PPP1R1C: variants seen among roughly 807,000 people sequenced by gnomAD.
The protein encoded by PPP1R1C is protein phosphatase 1 regulatory subunit 1C.
A neutral mutation model predicts 17.4 loss-of-function variants in PPP1R1C; 15 were observed. The ratio of observed to expected loss-of-function variants is 0.86; its 90% CI spans 0.58 to 1.33. PPP1R1C has a LOEUF of 1.33. Ranked by LOEUF, PPP1R1C falls within the 40% of genes most tolerant of loss-of-function variation. The probability of loss-of-function intolerance (pLI) is 0.00; values close to 1 mark genes in which losing one functional copy is unlikely to be tolerated. For missense variants in PPP1R1C, 143 were observed against 130.0 expected (o/e 1.10, Z -0.48); for synonymous variants, 35 against 43.1 (o/e 0.81, Z 0.73).
Position 182,117,481 on chromosome 2 carries a change from C to A in PPP1R1C, c.*186C>A. 1 of 490,040 alleles carries A rather than the reference C, an allele frequency of 2.0e-6. No individual in the cohort carries two copies. 30.4% of individuals were successfully genotyped at this position (490,040 alleles called of 1,614,324 possible). ...ACTTTAGAACTAAGTACACATTGTT[C>A]CACATCACTTATAATTAAAGAATAA... On this transcript the variant is annotated 3_prime_UTR_variant, in exon 5 of 5. Coordinates refer to ENST00000682840, the MANE Select transcript of PPP1R1C (RefSeq NM_001080545.3).
At chr2:182,092,637 G>T (rs1173303675) in intron 4 of PPP1R1C, among the ~76,000 whole-genome samples, 1 of 152,100 alleles carries the variant, frequency 6.6e-6, no homozygotes, top group African/African-American at 2.4e-5. Context: ...GGCGGTACAG[G>T]CATTGGTAAA....
At chr2:182,076,585 G>T (rs1354676648) in intron 4 of PPP1R1C, among the ~76,000 whole-genome samples, 1 of 151,862 alleles carries the variant, frequency 6.6e-6, no homozygotes, top group Non-Finnish European at 1.5e-5. Flanking sequence ...AGTCCTGATG[G>T]TTAATGAAGT....
chr2:182,122,106 A>T (rs1412815858), downstream of PPP1R1C, among the ~76,000 whole-genome samples: 1 of 152,180 alleles, frequency 6.6e-6, no homozygotes, highest in African/African-American at 2.4e-5. Context: ...ATACGTGAGG[A>T]ACAGGCAGAC....
chr2:182,094,119 A>G (rs111838617), intron 4 of PPP1R1C, among the ~76,000 whole-genome samples: 6,968 of 152,274 alleles, frequency 0.046, 533 homozygotes, highest in African/African-American at 0.16. Flanking sequence ...ACAGTTCCAC[A>G]TGGCTGGAGA....
intron 2 of PPP1R1C, among the ~76,000 whole-genome samples, chr2:182,056,748 A>G (rs1005994182): frequency 1.3e-5 from 2 of 152,140 alleles, no homozygotes; most frequent in African/African-American, 4.8e-5. Context: ...CTGTAAAATT[A>G]TATGTTTGAT....
intron 1 of PPP1R1C, among the ~76,000 whole-genome samples, chr2:181,963,422 C>A (rs1163180778): frequency 1.3e-5 from 2 of 152,166 alleles, no homozygotes; most frequent in Admixed American, 6.5e-5. Flanking sequence ...GGGTGGACCA[C>A]GAGGTCAGGA....
intron 2 of PPP1R1C, among the ~76,000 whole-genome samples, chr2:182,016,590 A>C (rs1271413901): frequency 6.6e-6 from 1 of 152,224 alleles, no homozygotes; most frequent in African/African-American, 2.4e-5. Context: ...GGTCTAATAA[A>C]AGTTTTCTTT....
chr2:182,071,316 A>G (rs746231772), intron 4 of PPP1R1C, among the ~76,000 whole-genome samples: 7 of 152,040 alleles, frequency 4.6e-5, no homozygotes, highest in Non-Finnish European at 1.0e-4. Flanking sequence ...CTGGTTAGGT[A>G]TTTTCTAGAA....
intron 2 of PPP1R1C, among the ~76,000 whole-genome samples, chr2:182,059,102 C>A (rs148886701): frequency 8.5e-5 from 13 of 152,068 alleles, no homozygotes; most frequent in Non-Finnish European, 1.9e-4. Flanking sequence ...AATCAATACT[C>A]AAAACAGAAA....
intron 2 of PPP1R1C, among the ~76,000 whole-genome samples, chr2:181,979,059 C>A (rs1322851155): frequency 2.0e-5 from 3 of 152,060 alleles, no homozygotes; most frequent in Non-Finnish European, 2.9e-5. Context: ...TATATCAATT[C>A]TATGAAATAG....
chr2:182,089,935 T>C (rs183750590), intron 4 of PPP1R1C, among the ~76,000 whole-genome samples: 1 of 152,202 alleles, frequency 6.6e-6, no homozygotes, highest in East Asian at 1.9e-4. Flanking sequence ...TTTTAATATA[T>C]TTAAATACAA....
chr2:182,037,544 G>A (rs1281082576), intron 2 of PPP1R1C, among the ~76,000 whole-genome samples: 4 of 150,338 alleles, frequency 2.7e-5, no homozygotes, highest in Admixed American at 6.6e-5. Context: ...CCGAGATCAC[G>A]CCACTGCACT....
At chr2:182,044,300 T>C (rs1687278300) in intron 2 of PPP1R1C, among the ~76,000 whole-genome samples, 1 of 152,204 alleles carries the variant, frequency 6.6e-6, no homozygotes, top group Non-Finnish European at 1.5e-5. Context: ...ACAAACTTCA[T>C]ACAGTTTCAA....
intron 4 of PPP1R1C, among the ~76,000 whole-genome samples, chr2:182,092,702 T>A (rs1208351229): frequency 1.3e-5 from 2 of 152,124 alleles, no homozygotes; most frequent in African/African-American, 4.8e-5. Context: ...ACAGGCCCAA[T>A]GCAAGTCCAA....
intron 2 of PPP1R1C, among the ~76,000 whole-genome samples, chr2:181,979,614 C>T (rs189105151): frequency 1.2e-3 from 177 of 152,298 alleles, no homozygotes; most frequent in African/African-American, 3.8e-3. Context: ...AAGCTAGGCT[C>T]AGTTGGGGGT....
chr2:182,122,612 A>G (rs1211162411), downstream of PPP1R1C, among the ~76,000 whole-genome samples: 4 of 152,200 alleles, frequency 2.6e-5, no homozygotes, highest in African/African-American at 9.6e-5. Context: ...TTGGCTCTGT[A>G]GGGACAATGC....
intron 4 of PPP1R1C, among the ~76,000 whole-genome samples, chr2:182,111,903 A>G (rs963993110): frequency 5.9e-5 from 9 of 152,076 alleles, no homozygotes; most frequent in Non-Finnish European, 1.0e-4. Context: ...AATGCCTGTT[A>G]AATCTATTTG....
chr2:182,018,605 G>C (rs546174165), intron 2 of PPP1R1C, among the ~76,000 whole-genome samples: 11 of 152,100 alleles, frequency 7.2e-5, no homozygotes, highest in Admixed American at 1.3e-4. Context: ...GGTTCAGGAT[G>C]AATAATTCTG....
chr2:182,083,782 T>C (rs1192313063), intron 4 of PPP1R1C, among the ~76,000 whole-genome samples: 1 of 152,142 alleles, frequency 6.6e-6, no homozygotes, highest in Non-Finnish European at 1.5e-5. Context: ...TAGATAACCA[T>C]CAGTGAGATT....
Sources: gnomAD v4.1 joint callset for allele counts (sites outside exome capture counted in the v4.1 genomes callset) on GRCh38, gnomAD v4.1.1 for gene constraint, MANE v1.5 for transcripts, NCBI Gene and HGNC (gene_info 2026-07-23, HGNC 2026-07-21) for gene names.